Variants in MSN observed in about 807,000 individuals in gnomAD.
MSN encodes the protein epididymis luminal protein 70.
Under a neutral mutation model 48.0 loss-of-function variants are expected in MSN, and 2 were observed. The ratio of observed to expected loss-of-function variants is 0.04; its 90% CI spans 0.02 to 0.13. The LOEUF is 0.13. Among genes scored for constraint, MSN ranks in the 10% least tolerant of loss-of-function variants. The probability of loss-of-function intolerance (pLI) is 1.00; values close to 1 mark genes in which losing one functional copy is unlikely to be tolerated. For synonymous variants in MSN, 146 were observed against 166.9 expected, an observed-to-expected ratio of 0.87 and a Z score of 0.97; for missense variants, 267 against 470.1, an observed-to-expected ratio of 0.57 and a Z score of 3.99.
chrX:65,624,420 T>G (rs7889957), intron 1 of MSN, among the ~76,000 whole-genome samples: 23,369 of 109,843 alleles, frequency 0.21, 6,453 homozygotes, highest in African/African-American at 0.75. Context: ...TGTCATTCTG[T>G]GCAAAAGTTT....
intron 1 of MSN, among the ~76,000 whole-genome samples, chrX:65,607,137 A>C (rs1253875617): frequency 8.9e-6 from 1 of 112,429 alleles, no homozygotes; most frequent in Non-Finnish European, 1.9e-5. Context: ...TGAGAGAGAT[A>C]TCACTAGCCC....
At chrX:65,698,003 C>G (rs968629063) in intron 1 of MSN, among the ~76,000 whole-genome samples, 9 of 111,655 alleles carry the variant, frequency 8.1e-5, no homozygotes, top group Non-Finnish European at 1.7e-4. Flanking sequence ...CCAAAGCCTC[C>G]TCTATGGAGG....
intron 1 of MSN, among the ~76,000 whole-genome samples, chrX:65,594,529 C>T (rs2070172669): frequency 1.8e-5 from 2 of 110,782 alleles, no homozygotes; most frequent in Non-Finnish European, 3.8e-5. Context: ...GAATTGGTGG[C>T]CCCTACTTGG....
At chrX:65,590,162 G>A (rs917237957) in intron 1 of MSN, among the ~76,000 whole-genome samples, 1 of 110,860 alleles carries the variant, frequency 9.0e-6, no homozygotes, top group Admixed American at 9.6e-5. Flanking sequence ...CTACCTGCTG[G>A]GCTACTACCA....
intron 1 of MSN, among the ~76,000 whole-genome samples, chrX:65,650,615 G>T (rs1202022897): frequency 8.9e-6 from 1 of 112,145 alleles, no homozygotes; most frequent in African/African-American, 3.2e-5. Flanking sequence ...TCTGTGCTGG[G>T]TGCTACAATG....
intron 1 of MSN, among the ~76,000 whole-genome samples, chrX:65,702,771 G>T (rs1455048332): frequency 8.9e-6 from 1 of 111,746 alleles, no homozygotes; most frequent in Non-Finnish European, 1.9e-5. Flanking sequence ...GCAGACTTGT[G>T]TGTGTTAATG....
chrX:65,638,034 C>A (rs866412382), intron 1 of MSN, among the ~76,000 whole-genome samples: 14 of 112,230 alleles, frequency 1.2e-4, no homozygotes, highest in Middle Eastern at 4.6e-3. Context: ...TGGCTATCTC[C>A]CCAGTACATG....
chrX:65,697,505 C>T (rs1180612678), intron 1 of MSN, among the ~76,000 whole-genome samples: 1 of 111,506 alleles, frequency 9.0e-6, no homozygotes, highest in Non-Finnish European at 1.9e-5. Context: ...GGCTGTGGTT[C>T]CTCCTCACTG....
intron 1 of MSN, among the ~76,000 whole-genome samples, chrX:65,690,143 A>G (rs2071158573): frequency 8.9e-6 from 1 of 111,765 alleles, no homozygotes; most frequent in African/African-American, 3.3e-5. Context: ...TTGGGAATCA[A>G]TATTTTCTGA....
At chrX:65,686,005 T>A (rs1159038088) in intron 1 of MSN, among the ~76,000 whole-genome samples, 1 of 112,390 alleles carries the variant, frequency 8.9e-6, no homozygotes, top group Non-Finnish European at 1.9e-5. Flanking sequence ...TAGATTAGAA[T>A]CCCCTTCCTA....
chrX:65,588,450 C>G (rs1237337036), exon 1 of MSN: 21 of 510,348 alleles, frequency 4.1e-5, no homozygotes, highest in Non-Finnish European at 5.2e-5. Context: ...CCTGAGCACA[C>G]CCTGGCCCTG....
chrX:65,678,694 C>G (rs1407085242), intron 1 of MSN, among the ~76,000 whole-genome samples: 2 of 111,446 alleles, frequency 1.8e-5, no homozygotes, highest in Non-Finnish European at 3.8e-5. Context: ...GCTTTTGACA[C>G]TTACAGCTTG....
At chrX:65,666,059 C>T (rs753011258), upstream of MSN, among the ~76,000 whole-genome samples, 32 of 112,000 alleles carry the variant, frequency 2.9e-4, no homozygotes, top group Admixed American at 5.7e-4. Context: ...ATTGCCCAGG[C>T]TGGAGTGCAG....
At chrX:65,630,093 C>A (rs1020294705) in intron 1 of MSN, among the ~76,000 whole-genome samples, 2 of 109,832 alleles carry the variant, frequency 1.8e-5, no homozygotes, top group South Asian at 7.9e-4. Flanking sequence ...GTTCAAGAAT[C>A]GCTGGAACCT....
chrX:65,715,794 C>T (rs1011279976), intron 1 of MSN, among the ~76,000 whole-genome samples: 4 of 111,719 alleles, frequency 3.6e-5, no homozygotes, highest in African/African-American at 1.3e-4. Flanking sequence ...GACTTCCTCT[C>T]CTCTTGCTTG....
intron 10 of MSN, 135 bp from the exon 11 acceptor site, chrX:65,738,390 G>T (rs190643296): frequency 2.1e-6 from 1 of 485,370 alleles, no homozygotes; most frequent in African/African-American, 2.4e-5. Flanking sequence ...AAGTAGTCTG[G>T]TAAAAGAGTC....
intron 10 of MSN, among the ~76,000 whole-genome samples, chrX:65,737,558 T>C (rs2071690437): frequency 1.8e-5 from 2 of 112,124 alleles, no homozygotes; most frequent in Admixed American, 1.9e-4. Flanking sequence ...TTCACTTTCT[T>C]AACTCTTGGG....
chrX:65,678,175 C>T (rs2071020748), intron 1 of MSN, among the ~76,000 whole-genome samples: 1 of 111,784 alleles, frequency 8.9e-6, no homozygotes, highest in Non-Finnish European at 1.9e-5. Context: ...AAGTTACTCC[C>T]TCTCCTTGCC....
chrX:65,677,160 A>T (rs989769612), intron 1 of MSN, among the ~76,000 whole-genome samples: 1 of 111,226 alleles, frequency 9.0e-6, no homozygotes, highest in Non-Finnish European at 1.9e-5. Flanking sequence ...CTCAGCCTGG[A>T]TGTTTGATGA....
Sources: allele counts gnomAD v4.1 joint callset (sites outside exome capture counted in the v4.1 genomes callset), GRCh38; gene constraint gnomAD v4.1.1; transcripts MANE v1.5; gene names NCBI Gene and HGNC (gene_info 2026-07-23, HGNC 2026-07-21).